The following CLSTN2 variants were observed in gnomAD, a reference collection of about 807,000 sequenced individuals.
CLSTN2 encodes the protein calsyntenin 2.
Under a neutral mutation model 101.2 loss-of-function variants are expected in CLSTN2, and 48 were observed. The observed-to-expected ratio is 0.47, with a 90% CI of 0.38 to 0.60. The LOEUF is 0.60. Ranked by LOEUF, CLSTN2 falls within the 20% of genes least tolerant of loss-of-function variation. The probability of loss-of-function intolerance (pLI) is 0.00; values close to 1 mark genes in which losing one functional copy is unlikely to be tolerated. For synonymous variants in CLSTN2, 481 were observed against 463.6 expected (o/e 1.04, Z -0.48); for missense variants, 1,160 against 1,238.2 (o/e 0.94, Z 0.95).
At chr3:140,176,216 G>A (rs2010322351) in intron 2 of CLSTN2, 143 bp downstream of exon 2, 1 of 876,406 alleles carries the variant, frequency 1.1e-6, no homozygotes, top group Non-Finnish European at 1.7e-6. Context: ...AAAGCTGTAT[G>A]CCTCTTATTT....
chr3:140,422,374 G>C (rs1559865273), intron 5 of CLSTN2, among the ~76,000 whole-genome samples: 1 of 152,104 alleles, frequency 6.6e-6, no homozygotes, highest in Non-Finnish European at 1.5e-5. Flanking sequence ...CAATTCATCA[G>C]GGTCAGATTG....
chr3:140,083,939 G>T (rs138734110), intron 1 of CLSTN2, among the ~76,000 whole-genome samples: 1 of 152,226 alleles, frequency 6.6e-6, no homozygotes, highest in African/African-American at 2.4e-5. Context: ...CATTCAGTAA[G>T]CATCAAAAGT....
chr3:140,014,540 G>A (rs577624839), intron 1 of CLSTN2, among the ~76,000 whole-genome samples: 2 of 152,104 alleles, frequency 1.3e-5, no homozygotes. Flanking sequence ...TTAAATAGGG[G>A]GTTCGAGCTC....
At chr3:140,427,240 T>TATATAC (rs1189735100) in intron 5 of CLSTN2, among the ~76,000 whole-genome samples, 4,644 of 119,382 alleles carry the variant, frequency 0.039, 116 homozygotes, top group East Asian at 0.086. Flanking sequence ...TATATATATA[T>TATATAC]ATATACATAT....
chr3:140,403,877 A>T, intron 3 of CLSTN2, 53 bp downstream of exon 3: 1 of 1,339,786 alleles, frequency 7.5e-7, no homozygotes, highest in Non-Finnish European at 1.0e-6. Context: ...TGCCCACCCC[A>T]CTTCATTCAC....
chr3:140,565,690 G>A (rs945933630), intron 16 of CLSTN2, among the ~76,000 whole-genome samples: 2 of 152,166 alleles, frequency 1.3e-5, no homozygotes, highest in Non-Finnish European at 2.9e-5. Flanking sequence ...AAACACTAAG[G>A]CTTGGACAGC....
chr3:140,300,633 G>A (rs148549256), intron 2 of CLSTN2, among the ~76,000 whole-genome samples: 2 of 152,140 alleles, frequency 1.3e-5, no homozygotes, highest in Non-Finnish European at 2.9e-5. Flanking sequence ...ATAAGTAGGA[G>A]CTAGGTGGGC....
At chr3:140,532,585 T>C in intron 9 of CLSTN2, 99 bp downstream of exon 9, 1 of 1,063,198 alleles carries the variant, frequency 9.4e-7, no homozygotes, top group Non-Finnish European at 1.3e-6. Context: ...GAGAATAGTC[T>C]AGAAAAATTA....
intron 2 of CLSTN2, among the ~76,000 whole-genome samples, chr3:140,397,804 A>G (rs1424664001): frequency 6.6e-6 from 1 of 152,204 alleles, no homozygotes; most frequent in Non-Finnish European, 1.5e-5. Context: ...AAAATCCATA[A>G]AAGTTTCTTG....
intron 10 of CLSTN2, among the ~76,000 whole-genome samples, chr3:140,555,355 C>A (rs544542263): frequency 1.3e-5 from 2 of 152,130 alleles, no homozygotes; most frequent in African/African-American, 4.8e-5. Context: ...AACAATAGGG[C>A]AAACATGTAT....
intron 8 of CLSTN2, among the ~76,000 whole-genome samples, chr3:140,499,116 T>A (rs375994575): frequency 7.9e-5 from 12 of 152,322 alleles, no homozygotes; most frequent in African/African-American, 2.9e-4. Flanking sequence ...GGCTCAGTAA[T>A]ATAATCTGAT....
chr3:139,942,658 G>A (rs1935151995), intron 1 of CLSTN2, among the ~76,000 whole-genome samples: 1 of 152,100 alleles, frequency 6.6e-6, no homozygotes, highest in South Asian at 2.1e-4. Context: ...TTTTATATAT[G>A]CCCATTGTAT....
In CLSTN2 at chr3:140,529,948, G is replaced by A. The variant is rs556894251; in HGVS notation, c.1345-2376G>A. On this transcript the variant is annotated intron_variant, in intron 8 of 16. Transcript: ENST00000458420. Reference sequence around the variant, plus strand: ...TTACTCAGTGTGGCAAGGGTGCCATGCATAAGCTCTCTTAACCTCTGTGAG... The same window carrying A: ...TTACTCAGTGTGGCAAGGGTGCCATACATAAGCTCTCTTAACCTCTGTGAG... 1.9e-3 allele frequency among the ~76,000 whole-genome samples: 295 copies of A among 152,282 alleles called. 2 individuals are homozygous for A. The highest frequency in any genetic ancestry group is 5.7e-3 in the African/African-American group (235 of 41,556).
At chr3:140,460,025 T>G (rs1933521813) in intron 7 of CLSTN2, among the ~76,000 whole-genome samples, 1 of 152,170 alleles carries the variant, frequency 6.6e-6, no homozygotes, top group African/African-American at 2.4e-5. Flanking sequence ...GAATCAGTGC[T>G]TTTCAAACTA....
chr3:140,099,645 G>T (rs1232654684), intron 1 of CLSTN2, among the ~76,000 whole-genome samples: 1 of 152,138 alleles, frequency 6.6e-6, no homozygotes, highest in Non-Finnish European at 1.5e-5. Context: ...TCATTGGCAA[G>T]AACTGGGTCC....
At chr3:140,461,511 G>A (rs984206042) in intron 7 of CLSTN2, 1 of 152,174 alleles carries the variant, frequency 6.6e-6, no homozygotes, top group African/African-American at 2.4e-5. Context: ...TTACAAAGGA[G>A]GAAATTGGAA....
chr3:140,064,380 T>A (rs1008363336), intron 1 of CLSTN2, among the ~76,000 whole-genome samples: 3 of 152,210 alleles, frequency 2.0e-5, no homozygotes, highest in African/African-American at 7.2e-5. Flanking sequence ...AGGTTCTTAC[T>A]CTATAAAAAG....
chr3:140,404,460 C>A, intron 3 of CLSTN2, 98 bp from the exon 4 acceptor site: 2 of 1,052,006 alleles, frequency 1.9e-6, no homozygotes, highest in South Asian at 1.4e-5. Context: ...TCTCCTTTCA[C>A]TTGGCCTTGG....
At chr3:140,404,227 C>T (rs1308876756) in intron 3 of CLSTN2, among the ~76,000 whole-genome samples, 2 of 152,130 alleles carry the variant, frequency 1.3e-5, no homozygotes, top group Non-Finnish European at 2.9e-5. Flanking sequence ...TATCTCAGAG[C>T]CTAACAGAGT....
Sources: allele counts gnomAD v4.1 joint callset (sites outside exome capture counted in the v4.1 genomes callset), GRCh38; gene constraint gnomAD v4.1.1; transcripts MANE v1.5; gene names NCBI Gene and HGNC (gene_info 2026-07-23, HGNC 2026-07-21).